The following CHD9 variants were observed in gnomAD, a reference collection of about 807,000 sequenced individuals.
CHD9 encodes the protein chromodomain helicase DNA binding protein 9.
A neutral mutation model predicts 316.1 loss-of-function variants in CHD9; 77 were observed. The observed-to-expected ratio is 0.24, with a 90% CI of 0.20 to 0.29. CHD9 has a LOEUF of 0.29. Ranked by LOEUF, CHD9 falls within the 10% of genes least tolerant of loss-of-function variation. The probability of loss-of-function intolerance (pLI) is 1.00; values close to 1 mark genes in which losing one functional copy is unlikely to be tolerated. For missense variants in CHD9, 2,763 were observed against 3,438.1 expected (o/e 0.80, Z 4.91); for synonymous variants, 1,129 against 1,158.3 (o/e 0.97, Z 0.51).
At chr16:53,125,190 TCCTTA>T (rs2038917115) in intron 1 of CHD9, among the ~76,000 whole-genome samples, 1 of 151,662 alleles carries the variant, frequency 6.6e-6, no homozygotes, top group African/African-American at 2.4e-5. Flanking sequence ...ATACAGACTG[TCCTTA>T]CCTTATCATG....
chr16:53,086,945 T>A (rs1310568033), intron 1 of CHD9, among the ~76,000 whole-genome samples: 2 of 152,152 alleles, frequency 1.3e-5, no homozygotes, highest in Non-Finnish European at 2.9e-5. Context: ...TCTTCAGGTG[T>A]CCCTTTCTGC....
intron 22 of CHD9, among the ~76,000 whole-genome samples, chr16:53,273,090 AAAAAC>A (rs945241627): frequency 3.5e-5 from 5 of 140,884 alleles, no homozygotes; most frequent in Non-Finnish European, 6.4e-5. Context: ...CTGTCTCAAA[AAAAAC>A]AAAACAAAAC....
Position 53,306,240 on chromosome 16 carries a change from G to T in CHD9, c.6623G>T (p.Ser2208Ile). ...SDEEEAQKRE[S>I]TTHMKAYDEE... ...TGATTATAATTGTTTTTAGCAGAAAGTACTACTCACATGAAAGCCTATGAT... is the reference window on the plus strand; with the variant it reads ...TGATTATAATTGTTTTTAGCAGAAATTACTACTCACATGAAAGCCTATGAT... Residue 2208 changes from serine to isoleucine, a missense_variant, in exon 32 of 39, where the codon AGT becomes ATT. Ser to Ile is a moderately radical substitution (Grantham distance 142). Around this residue, in one of 15 missense-constraint regions of CHD9, gnomAD observed 663 missense variants for 751.2 expected, o/e 0.88. Transcript: ENST00000447540. The T allele has an allele frequency of 6.5e-7, 1 of 1,537,552 alleles. No homozygotes were observed. The highest frequency in any genetic ancestry group is 8.7e-7 in the Non-Finnish European group (1 of 1,146,604).
intron 25 of CHD9, among the ~76,000 whole-genome samples, chr16:53,285,947 T>C (rs984656504): frequency 2.6e-5 from 4 of 152,186 alleles, no homozygotes; most frequent in African/African-American, 9.7e-5. Context: ...AGAGTTCTCA[T>C]GTGAGATATG....
At chr16:53,220,983 C>G (rs2047188156) in intron 3 of CHD9, among the ~76,000 whole-genome samples, 1 of 152,162 alleles carries the variant, frequency 6.6e-6, no homozygotes, top group Admixed American at 6.5e-5. Flanking sequence ...GCACTTCTTC[C>G]TTTGTGTTCA....
intron 19 of CHD9, among the ~76,000 whole-genome samples, chr16:53,256,512 G>A (rs1406183122): frequency 1.3e-5 from 2 of 149,580 alleles, no homozygotes; most frequent in South Asian, 2.1e-4. Flanking sequence ...TAGTAGAGAC[G>A]GGGTTTCGCC....
At chr16:53,291,690 T>C in intron 27 of CHD9, 35 bp from the exon 28 acceptor site, 1 of 1,467,886 alleles carries the variant, frequency 6.8e-7, no homozygotes, top group East Asian at 2.4e-5. Context: ...CTTGACCCAA[T>C]TACCCTGTGA....
intron 24 of CHD9, among the ~76,000 whole-genome samples, chr16:53,278,014 G>GAA (rs879377529): frequency 7.3e-6 from 1 of 137,242 alleles, no homozygotes. Context: ...ACAATAGCCA[G>GAA]AAAAAAAAAA....
intron 17 of CHD9, among the ~76,000 whole-genome samples, chr16:53,254,217 T>G (rs1447937848): frequency 6.6e-6 from 1 of 152,098 alleles, no homozygotes; most frequent in African/African-American, 2.4e-5. Flanking sequence ...GAATTTATAT[T>G]CTTTGATATT....
chr16:53,209,399 T>C (rs2046148366), intron 2 of CHD9, 83 bp from the exon 3 acceptor site: 1 of 999,940 alleles, frequency 1.0e-6, no homozygotes, highest in African/African-American at 1.6e-5. Flanking sequence ...TCTCTAAACA[T>C]AATTTAAGAT....
At chr16:53,220,324 A>G (rs1035960798) in intron 3 of CHD9, among the ~76,000 whole-genome samples, 5 of 152,224 alleles carry the variant, frequency 3.3e-5, no homozygotes, top group Non-Finnish European at 7.3e-5. Context: ...ATACCAATAC[A>G]AGAATAATAT....
chr16:53,150,672 T>C (rs2041026340), intron 1 of CHD9, among the ~76,000 whole-genome samples: 1 of 152,236 alleles, frequency 6.6e-6, no homozygotes, highest in Non-Finnish European at 1.5e-5. Flanking sequence ...GTTCTACTAA[T>C]AACAAACTCC....
intron 21 of CHD9, 60 bp from the exon 22 acceptor site, chr16:53,267,867 G>T: frequency 6.9e-7 from 1 of 1,440,702 alleles, no homozygotes; most frequent in Non-Finnish European, 9.6e-7. Flanking sequence ...TTATCTATGA[G>T]TTAATATTTT....
chr16:53,246,250 C>A (rs1160167392), intron 15 of CHD9, among the ~76,000 whole-genome samples: 3 of 152,150 alleles, frequency 2.0e-5, no homozygotes, highest in Non-Finnish European at 2.9e-5. Flanking sequence ...CAGGTTCTTT[C>A]CCAGTGTTCT....
intron 1 of CHD9, chr16:53,121,507 T>G (rs922892714): frequency 2.2e-6 from 1 of 446,230 alleles, no homozygotes; most frequent in African/African-American, 2.0e-5. Context: ...TTGAAGTATA[T>G]TCTAGCTAAA....
At chr16:53,153,145 A>T (rs1293622947) in intron 1 of CHD9, among the ~76,000 whole-genome samples, 1 of 152,218 alleles carries the variant, frequency 6.6e-6, no homozygotes, top group Non-Finnish European at 1.5e-5. Context: ...GTTTGGTGAG[A>T]TGATGGGAAT....
At chr16:53,078,833 A>G (rs533347661) in intron 1 of CHD9, among the ~76,000 whole-genome samples, 1 of 152,276 alleles carries the variant, frequency 6.6e-6, no homozygotes, top group South Asian at 2.1e-4. Flanking sequence ...AATTAATGCA[A>G]GATAACATTG....
intron 3 of CHD9, among the ~76,000 whole-genome samples, chr16:53,220,718 T>C (rs991835887): frequency 5.3e-5 from 8 of 152,212 alleles, no homozygotes; most frequent in African/African-American, 1.9e-4. Context: ...CCTTAAAATG[T>C]GAACTCTTTG....
chr16:53,057,179 A>T (rs533607816), intron 1 of CHD9, among the ~76,000 whole-genome samples: 60 of 151,952 alleles, frequency 3.9e-4, no homozygotes, highest in African/African-American at 1.1e-3. Flanking sequence ...AAGAATTTTT[A>T]AAAAAATATG....
Sources: allele counts gnomAD v4.1 joint callset (sites outside exome capture counted in the v4.1 genomes callset), GRCh38; gene constraint gnomAD v4.1.1; regional missense constraint gnomAD v4.1.1; transcripts MANE v1.5; gene names NCBI Gene and HGNC (gene_info 2026-07-23, HGNC 2026-07-21).